The following THEMIS variants were observed in gnomAD, a reference collection of about 807,000 sequenced individuals.
The protein encoded by THEMIS is protein THEMIS.
A neutral mutation model predicts 52.6 loss-of-function variants in THEMIS; 37 were observed. The observed-to-expected ratio is 0.70, with a 90% CI of 0.54 to 0.93. THEMIS has a LOEUF of 0.93. Ranked by LOEUF, THEMIS falls within the 40% of genes least tolerant of loss-of-function variation. THEMIS has a pLI of 0.00. For synonymous variants in THEMIS, 292 were observed against 272.7 expected (o/e 1.07, Z -0.70); for missense variants, 808 against 763.1 (o/e 1.06, Z -0.69).
chr6:127,763,018 T>C (rs368872001), intron 4 of THEMIS, among the ~76,000 whole-genome samples: 6 of 151,982 alleles, frequency 3.9e-5, no homozygotes, highest in South Asian at 2.1e-4. Flanking sequence ...AATAATTGGA[T>C]TGGGGAAATG....
At chr6:127,902,505 AT>A (rs1308453071), upstream of THEMIS, among the ~76,000 whole-genome samples, 1 of 152,032 alleles carries the variant, frequency 6.6e-6, no homozygotes, top group Non-Finnish European at 1.5e-5. Flanking sequence ...CAGTTCTACC[AT>A]GGCCATCATG....
intron 1 of THEMIS, among the ~76,000 whole-genome samples, chr6:127,895,684 T>C (rs1239988207): frequency 1.3e-5 from 2 of 151,504 alleles, no homozygotes; most frequent in Non-Finnish European, 3.0e-5. Context: ...ACTATGCTCA[T>C]GGATAAAAAG....
chr6:127,855,073 A>G lies in THEMIS; in HGVS notation c.207T>C (p.Gly69=), dbSNP rs1439999273. 4 of 1,611,214 alleles carry G rather than the reference A, an allele frequency of 2.5e-6. No individual in the cohort carries two copies. The highest frequency in any genetic ancestry group is 1.3e-5 in the African/African-American group (1 of 74,852). The change falls in exon 2 of 6, where the codon GGT becomes GGC. Residue 69 remains glycine (G), a synonymous_variant. Transcript: ENST00000368248. Reference sequence around the variant, plus strand: ...GTTCAAATGGCTGTAGAGACTCACAACCTTCAATCTGCTCACAAATTTCAG... The same window carrying G: ...GTTCAAATGGCTGTAGAGACTCACAGCCTTCAATCTGCTCACAAATTTCAG... The part of the protein sequence containing the change: ...IIAEICEQIE[G]CESLQPFELP...
chr6:127,839,221 A>T (rs1287457747), intron 2 of THEMIS, among the ~76,000 whole-genome samples: 1 of 152,040 alleles, frequency 6.6e-6, no homozygotes, highest in Non-Finnish European at 1.5e-5. Flanking sequence ...TGATTCAAGC[A>T]CGTCTATTTT....
Position 127,907,337 on chromosome 6 carries a change from A to ATTTTTTTTTTTTTTTTTTTTTTTTTTTT in THEMIS, c.-149-6284_-149-6257dup, listed in dbSNP as rs58472332. 4.0e-4 allele frequency among the ~76,000 whole-genome samples: 20 copies of ATTTTTTTTTTTTTTTTTTTTTTTTTTTT among 49,460 alleles called. 5 individuals are homozygous for ATTTTTTTTTTTTTTTTTTTTTTTTTTTT. Among genetic ancestry groups the ATTTTTTTTTTTTTTTTTTTTTTTTTTTT allele is most frequent in the Non-Finnish European group, 5.2e-4 (14 of 26,672 alleles). The allele number at this position is 49,460 out of a possible 152,430, so 32.4% of individuals were successfully genotyped here. A position where few individuals can be genotyped will look rare whatever the true frequency, so the allele number is the denominator to read the frequency against. Reference sequence around the variant, plus strand: ...AATACCATTAGGGCATTAGGCTCGGATTTTTTTTTTTTTTTTTTTTTTTTT... The same window carrying ATTTTTTTTTTTTTTTTTTTTTTTTTTTT: ...AATACCATTAGGGCATTAGGCTCGGATTTTTTTTTTTTTTTTTTTTTTTTTTTTTTTTTTTTTTTTTTTTTTTTTTTTT... On this transcript the variant is annotated intron_variant, in intron 1 of 6. Transcript: ENST00000368250.
At chr6:127,743,479 A>G (rs1034616375) in intron 4 of THEMIS, among the ~76,000 whole-genome samples, 1 of 152,158 alleles carries the variant, frequency 6.6e-6, no homozygotes, top group Non-Finnish European at 1.5e-5. Flanking sequence ...CTGGAAAAAG[A>G]GTAAGACAGA....
intron 4 of THEMIS, among the ~76,000 whole-genome samples, chr6:127,749,199 A>G (rs1775550972): frequency 6.6e-6 from 1 of 152,006 alleles, no homozygotes; most frequent in Non-Finnish European, 1.5e-5. Context: ...TTTTTCTTTT[A>G]TCTGAAAAAG....
chr6:127,786,992 C>T (rs1307639863), intron 4 of THEMIS, among the ~76,000 whole-genome samples: 5 of 152,024 alleles, frequency 3.3e-5, no homozygotes, highest in Non-Finnish European at 5.9e-5. Flanking sequence ...TAAAAAAACT[C>T]GATTCCAAGA....
chr6:127,785,442 G>T (rs1562256025), intron 4 of THEMIS, among the ~76,000 whole-genome samples: 1 of 150,452 alleles, frequency 6.6e-6, no homozygotes, highest in Non-Finnish European at 1.5e-5. Flanking sequence ...TTGTGCACAT[G>T]TACCCTAAAA....
chr6:127,700,544 A>G, the THEMIS span, among the ~76,000 whole-genome samples: 1 of 152,072 alleles, frequency 6.6e-6, no homozygotes, highest in Non-Finnish European at 1.5e-5. Flanking sequence ...TTTTAACAAA[A>G]TGATTTGGGA....
At chr6:127,875,581 C>T (rs1466855845) in intron 1 of THEMIS, among the ~76,000 whole-genome samples, 2 of 152,180 alleles carry the variant, frequency 1.3e-5, no homozygotes, top group Non-Finnish European at 2.9e-5. Context: ...CCCAATACTG[C>T]AGCTAATAGC....
rs149808791 is a variant in THEMIS, at chr6:127,854,944, A to AT, written c.250+85dup. Reference sequence around the variant, plus strand: ...ATTATCCTAGAGTGAAAAACAGACCATTTTTTTCTTGTTTTTGGTTGTGTA... The same window carrying AT: ...ATTATCCTAGAGTGAAAAACAGACCATTTTTTTTCTTGTTTTTGGTTGTGTA... On this transcript the variant is annotated intron_variant, in intron 2 of 5. Coordinates refer to ENST00000368248, the MANE Select transcript of THEMIS (RefSeq NM_001010923.3). The AT allele has an allele frequency of 1.1e-5, 13 of 1,223,746 alleles. No homozygotes were observed. In the African/African-American group the frequency reaches 1.3e-4, roughly 12 times the overall value. The allele number at this position is 1,223,746 out of a possible 1,614,324, so 75.8% of individuals were successfully genotyped here. A position where few individuals can be genotyped will look rare whatever the true frequency, so the allele number is the denominator to read the frequency against.
At chr6:127,743,449 G>A (rs1278207275) in intron 4 of THEMIS, among the ~76,000 whole-genome samples, 1 of 152,094 alleles carries the variant, frequency 6.6e-6, no homozygotes, top group African/African-American at 2.4e-5. Flanking sequence ...GTGTTTAAGG[G>A]GAGTAAGAGA....
chr6:127,863,081 C>T (rs1437112375), intron 1 of THEMIS, among the ~76,000 whole-genome samples: 1 of 152,068 alleles, frequency 6.6e-6, no homozygotes, highest in African/African-American at 2.4e-5. Flanking sequence ...AATACAGAAC[C>T]CCTCATTCAA....
intron 1 of THEMIS, among the ~76,000 whole-genome samples, chr6:127,877,046 A>G (rs936445783): frequency 6.6e-6 from 1 of 152,194 alleles, no homozygotes; most frequent in Non-Finnish European, 1.5e-5. Flanking sequence ...CAATAGAATT[A>G]TGTCTAAAAA....
intron 1 of THEMIS, among the ~76,000 whole-genome samples, chr6:127,863,539 C>A (rs1779875786): frequency 6.6e-6 from 1 of 152,094 alleles, no homozygotes; most frequent in Admixed American, 6.6e-5. Context: ...TACGTAGAAG[C>A]CTTAACATGT....
At chr6:127,753,132 A>G (rs1353357959) in intron 4 of THEMIS, among the ~76,000 whole-genome samples, 3 of 151,918 alleles carry the variant, frequency 2.0e-5, no homozygotes, top group Non-Finnish European at 2.9e-5. Flanking sequence ...GATTTAAAAA[A>G]CTCATTAATT....
In THEMIS at chr6:127,785,736, A is replaced by G. The variant is rs572385839; in HGVS notation, c.1758+27147T>C. On this transcript the variant is annotated intron_variant, in intron 4 of 5. Coordinates refer to ENST00000368248, the MANE Select transcript of THEMIS (RefSeq NM_001010923.3). ...CAAATATAGACCAAAAAAACCTAAGAATATCTTTAATGAAGTGACTCATTA... is the reference window on the plus strand; with the variant it reads ...CAAATATAGACCAAAAAAACCTAAGGATATCTTTAATGAAGTGACTCATTA... Among the ~76,000 whole-genome samples the G allele has an allele frequency of 1.4e-4, 22 of 152,118 alleles. 1 individual carries two copies. In the East Asian group the frequency reaches 3.7e-3, roughly 25 times the overall value.
upstream of THEMIS, among the ~76,000 whole-genome samples, chr6:127,904,633 G>T (rs1283701749): frequency 6.6e-6 from 1 of 151,994 alleles, no homozygotes; most frequent in Non-Finnish European, 1.5e-5. Flanking sequence ...AAATGAATGG[G>T]AATGCCAGAA....
Sources: gnomAD v4.1 joint callset for allele counts (sites outside exome capture counted in the v4.1 genomes callset) on GRCh38, gnomAD v4.1.1 for gene constraint, MANE v1.5 for transcripts, NCBI Gene and HGNC (gene_info 2026-07-23, HGNC 2026-07-21) for gene names.